Variants in SPAG9 observed in about 807,000 individuals in gnomAD.
SPAG9 encodes sperm associated antigen 9.
Under a neutral mutation model 166.5 loss-of-function variants are expected in SPAG9, and 35 were observed. That is an observed-to-expected ratio of 0.21 (90% CI 0.16 to 0.28). The LOEUF (loss-of-function observed/expected upper bound fraction) is 0.28, where lower values mean the gene tolerates loss of function less well. Ranked by LOEUF, SPAG9 falls within the 10% of genes least tolerant of loss-of-function variation. SPAG9 has a pLI of 1.00. For synonymous variants in SPAG9, 534 were observed against 565.5 expected, an observed-to-expected ratio of 0.94 and a Z score of 0.79; for missense variants, 1,235 against 1,603.3, an observed-to-expected ratio of 0.77 and a Z score of 3.92.
Position 50,990,598 on chromosome 17 carries a change from T to C in SPAG9, c.2469A>G (p.Leu823=). The C allele has an allele frequency of 6.2e-7, 1 of 1,614,210 alleles. No individual in the cohort carries two copies. The highest frequency in any genetic ancestry group is 8.5e-7 in the Non-Finnish European group (1 of 1,180,018). The change falls in exon 20 of 30, where the codon TTA becomes TTG. Residue 823 remains leucine (L), a synonymous_variant. Transcript: ENST00000262013. ...AGCTGTTGCTTGTCATACTTCCACA[T>C]AAAGATGCTTTGTCTACCTGACCAG... ...SESGQVDKAS[L]CGSMTSNSSA...
intron 2 of SPAG9, among the ~76,000 whole-genome samples, chr17:51,068,090 T>C (rs994230353): frequency 6.6e-6 from 1 of 152,214 alleles, no homozygotes; most frequent in African/African-American, 2.4e-5. Flanking sequence ...AAAGGAATCA[T>C]CAGTTTTTAC....
In SPAG9 at chr17:50,970,738, A is replaced by G. The variant is rs1333026357; in HGVS notation, c.3819T>C (p.Ser1273=). The G allele has an allele frequency of 6.2e-7, 1 of 1,613,766 alleles. No individual in the cohort carries two copies. Among genetic ancestry groups the G allele is most frequent in the African/African-American group, 1.3e-5 (1 of 74,840 alleles). The change falls in exon 29 of 30, where the codon AGT becomes AGC. Residue 1273 remains serine (S), a synonymous_variant. Transcript: ENST00000262013. ...GGAAGTCGATGTAGCCCTCTCCTCC[A>G]CTGATGACAAGCATAGACTTCAAGG... The part of the protein sequence containing the change: ...QTPLKSMLVI[S]GGEGYIDFRM...
At position 51,053,447 on chromosome 17, in the gene SPAG9, T is replaced by C. The variant is rs183805568; in HGVS notation, c.495+2965A>G. Among the ~76,000 whole-genome samples, 312 of 151,972 alleles carry C rather than the reference T, an allele frequency of 2.1e-3. 2 individuals carry two copies. Among genetic ancestry groups the C allele is most frequent in the African/African-American group, 7.3e-3 (303 of 41,468 alleles). Reference sequence around the variant, plus strand: ...CACGCCTGTAATCCCAGCACTTTGGTAGGCCAAGGCAGATGGATCACGAGG... The same window carrying C: ...CACGCCTGTAATCCCAGCACTTTGGCAGGCCAAGGCAGATGGATCACGAGG... On this transcript the variant is annotated intron_variant, in intron 3 of 29. Coordinates refer to ENST00000262013, the MANE Select transcript of SPAG9 (RefSeq NM_001130528.3).
At chr17:51,074,827 G>A (rs1239453330) in intron 2 of SPAG9, among the ~76,000 whole-genome samples, 1 of 151,922 alleles carries the variant, frequency 6.6e-6, no homozygotes, top group Non-Finnish European at 1.5e-5. Flanking sequence ...TCTCTGGACT[G>A]GATAACAAAT....
Position 51,021,272 on chromosome 17 carries a change from GAGTATCA to G in SPAG9, c.870_876del (p.Asp291ProfsTer2). On this transcript the variant is annotated frameshift_variant, in exon 7 of 30. Transcript: ENST00000262013. LOFTEE classifies it high-confidence loss of function. ...AATCCTTCGTTTTCTTCCTTTAAGGGAGTATCAGTAGGAATTGTTGCCACATCTGAAT... is the reference window on the plus strand; with the variant it reads ...AATCCTTCGTTTTCTTCCTTTAAGGGGTAGGAATTGTTGCCACATCTGAAT... 6.2e-7 allele frequency: 1 copy of G among 1,614,080 alleles called. No individual in the cohort carries two copies. Among genetic ancestry groups the G allele is most frequent in the Non-Finnish European group, 8.5e-7 (1 of 1,179,948 alleles).
At chr17:51,113,270 T>C (rs2049174485) in intron 1 of SPAG9, among the ~76,000 whole-genome samples, 1 of 151,096 alleles carries the variant, frequency 6.6e-6, no homozygotes, top group Admixed American at 6.6e-5. Context: ...GGAGAATCCT[T>C]TGTATCTGGG....
chr17:51,084,222 A>G (rs1200190870), intron 1 of SPAG9: 3 of 152,098 alleles, frequency 2.0e-5, no homozygotes, highest in Admixed American at 2.0e-4. Context: ...GGTTACGTTA[A>G]ATAGAAAAGC....
intron 2 of SPAG9, among the ~76,000 whole-genome samples, chr17:51,075,100 G>A (rs748679343): frequency 6.1e-5 from 9 of 148,682 alleles, no homozygotes; most frequent in Non-Finnish European, 1.0e-4. Context: ...GGAGGCTGAG[G>A]CAGGAAAATC....
At chr17:50,984,408 C>T (rs1056154604) in intron 24 of SPAG9, among the ~76,000 whole-genome samples, 3 of 152,198 alleles carry the variant, frequency 2.0e-5, no homozygotes, top group African/African-American at 4.8e-5. Context: ...AAGTACCAGC[C>T]GGGCACGGTG....
intron 27 of SPAG9, 67 bp from the exon 28 acceptor site, chr17:50,975,014 T>C: frequency 7.0e-7 from 1 of 1,434,398 alleles, no homozygotes; most frequent in Admixed American, 2.1e-5. Flanking sequence ...AAGAGGTTAC[T>C]GGTTAATCCT....
At chr17:51,004,079 C>T (rs535065568) in intron 12 of SPAG9, among the ~76,000 whole-genome samples, 4 of 152,238 alleles carry the variant, frequency 2.6e-5, no homozygotes, top group South Asian at 2.1e-4. Flanking sequence ...GGAAAAGAAG[C>T]TGGTCTCCAA....
intron 2 of SPAG9, among the ~76,000 whole-genome samples, chr17:51,068,025 G>T (rs889550625): frequency 1.3e-5 from 2 of 152,178 alleles, no homozygotes; most frequent in African/African-American, 4.8e-5. Context: ...ACGGGGGGAA[G>T]AAAGAGAAAC....
chr17:50,970,884 ATTAC>A (rs751977786), intron 28 of SPAG9, 28 bp from the exon 29 acceptor site: 4 of 1,584,150 alleles, frequency 2.5e-6, no homozygotes, highest in Non-Finnish European at 3.5e-6. Flanking sequence ...AAAAGTGAAT[ATTAC>A]TTATCACAGA....
chr17:51,019,600 C>T (rs2045851989), intron 8 of SPAG9, among the ~76,000 whole-genome samples: 1 of 151,136 alleles, frequency 6.6e-6, no homozygotes, highest in African/African-American at 2.4e-5. Flanking sequence ...CGACTGTAAT[C>T]CCAGGACTTT....
At chr17:50,998,890 T>C (rs188018528) in intron 14 of SPAG9, among the ~76,000 whole-genome samples, 7 of 152,360 alleles carry the variant, frequency 4.6e-5, no homozygotes, top group Admixed American at 4.6e-4. Context: ...AGCTCTTAAA[T>C]AGAGGAAACT....
intron 1 of SPAG9, among the ~76,000 whole-genome samples, chr17:51,095,709 T>C (rs565430760): frequency 7.3e-6 from 1 of 137,912 alleles, no homozygotes; most frequent in Non-Finnish European, 1.6e-5. Context: ...GTGATATATA[T>C]AGTGATATAT....
chr17:51,040,205 C>A (rs538936350), intron 5 of SPAG9, among the ~76,000 whole-genome samples: 81 of 150,478 alleles, frequency 5.4e-4, no homozygotes, highest in Non-Finnish European at 8.9e-5. Flanking sequence ...TGAGATCTCA[C>A]CACTGCACTC....
intron 2 of SPAG9, 47 bp downstream of exon 2, chr17:51,079,537 C>A (rs1327242023): frequency 6.3e-7 from 1 of 1,598,166 alleles, no homozygotes; most frequent in Admixed American, 1.7e-5. Flanking sequence ...CCACGTCTGG[C>A]CAAGCCCAAT....
intron 25 of SPAG9, among the ~76,000 whole-genome samples, chr17:50,980,119 G>A (rs1182606052): frequency 6.6e-6 from 1 of 152,158 alleles, no homozygotes; most frequent in African/African-American, 2.4e-5. Context: ...TTGGACTTCA[G>A]CACTATATAG....
Sources: allele counts gnomAD v4.1 joint callset (sites outside exome capture counted in the v4.1 genomes callset), GRCh38; gene constraint gnomAD v4.1.1; transcripts MANE v1.5; gene names NCBI Gene and HGNC (gene_info 2026-07-23, HGNC 2026-07-21).